Variants in TTN observed in about 807,000 individuals in gnomAD.
The protein encoded by TTN is titin.
Under a neutral mutation model 3,223.0 loss-of-function variants are expected in TTN, and 1,525 were observed. The ratio of observed to expected loss-of-function variants is 0.47; its 90% CI spans 0.45 to 0.49. The LOEUF (loss-of-function observed/expected upper bound fraction) is 0.49, where lower values mean the gene tolerates loss of function less well. TTN is among the 20% of genes least tolerant of loss of function. The pLI, the probability that TTN is intolerant of heterozygous loss-of-function variation, is 0.00. For synonymous variants in TTN, 14,094 were observed against 15,161.0 expected (o/e 0.93, Z 5.17); for missense variants, 40,786 against 43,424.0 (o/e 0.94, Z 5.40).
intron 361 of TTN, 49 bp downstream of exon 361, chr2:178,528,225 G>T (rs767096966): frequency 9.7e-6 from 15 of 1,552,110 alleles, no homozygotes; most frequent in East Asian, 6.8e-5. Context: ...GCAAAAAAAC[G>T]ATCTAAAGGC....
rs370087858 is a variant in TTN at position 178,563,661 on chromosome 2, C to A, written c.82471G>T (p.Ala27491Ser). The part of the protein sequence containing the change: ...ITKDSMVVTW[A>S]RPVDDGGTEI... ...GTACCTCCGTCGTCTACTGGGCGTG[C>A]CCATGTTACTACCATAGAATCTTTG... Residue 27491 changes from alanine to serine, a missense_variant, in exon 326 of 363, where the codon GCA becomes TCA. By Grantham distance (99) the Ala-to-Ser change is moderately conservative (BLOSUM62 1). Transcript: ENST00000589042. The surrounding 1 kb of genome is among the most constrained non-coding windows in gnomAD (Gnocchi z 4.5). 2.6e-5 allele frequency: 42 copies of A among 1,613,738 alleles called. No homozygotes were observed. The highest frequency in any genetic ancestry group is 3.5e-5 in the Non-Finnish European group (41 of 1,179,770).
rs2056309003 is a variant in TTN, at chr2:178,611,442, T to C, written c.50787A>G (p.Arg16929=). The change falls in exon 269 of 363, where the codon AGA becomes AGG. Residue 16929 remains arginine (R), a synonymous_variant. Transcript: ENST00000589042. ...VPDKEYVLRV[R]AVNAIGVSEP... is the part of the protein sequence containing the mutation. Reference sequence around the variant, plus strand: ...CGCTGACACCAATAGCATTGACTGCTCTCACTCTCAGGACATATTCTTTGT... The same window carrying C: ...CGCTGACACCAATAGCATTGACTGCCCTCACTCTCAGGACATATTCTTTGT... 1.2e-6 allele frequency: 2 copies of C among 1,612,826 alleles called. No individual in the cohort carries two copies. The highest frequency in any genetic ancestry group is 1.7e-5 in the Admixed American group (1 of 59,936).
Position 178,539,883 on chromosome 2 carries a change from T to C in TTN, c.98182A>G (p.Ile32728Val). 1 of 1,613,794 alleles carries C rather than the reference T, an allele frequency of 6.2e-7. No homozygotes were observed. Among genetic ancestry groups the C allele is most frequent in the Non-Finnish European group, 8.5e-7 (1 of 1,179,752 alleles). The change falls in exon 352 of 363, where the codon ATC becomes GTC. Residue 32728 changes from isoleucine to valine, a missense_variant. Physicochemically the swap from Ile to Val is conservative, Grantham distance 29 (BLOSUM62 3). Coordinates refer to ENST00000589042, the MANE Select transcript of TTN (RefSeq NM_001267550.2). ...QGGVIRLTIP[I>V]KGKPFPICKW... The stretch of plus-strand genomic sequence containing the variant: ...CATATTGGGAATGGTTTTCCTTTGA[T>C]TGGTATGGTAAGTCTGATGACGCCA...
intron 149 of TTN, among the ~76,000 whole-genome samples, chr2:178,675,439 T>C (rs1195963559): frequency 6.6e-6 from 1 of 151,728 alleles, no homozygotes; most frequent in Non-Finnish European, 1.5e-5. Context: ...TTTGGCTCTT[T>C]AAAGATATAT....
rs199848546 is a variant in TTN, at chr2:178,702,443, A to C, written c.30433+11T>G. On this transcript the variant is annotated intron_variant, in intron 107 of 362. Transcript: ENST00000589042. Reference sequence around the variant, plus strand: ...ATTATACATTCACTGGAAAACTGTCAATGAAATCACCTTCATCGTCTGGGG... The same window carrying C: ...ATTATACATTCACTGGAAAACTGTCCATGAAATCACCTTCATCGTCTGGGG... The C allele has an allele frequency of 4.3e-4, 694 of 1,613,668 alleles. 2 individuals are homozygous for C. Among genetic ancestry groups the C allele is most frequent in the Middle Eastern group, 6.8e-4 (4 of 5,916 alleles).
In TTN at chr2:178,547,574, G is replaced by A. The variant is rs794729536; in HGVS notation, c.94052C>T (p.Ser31351Leu). The change falls in exon 339 of 363, where the codon TCG becomes TTG. Residue 31351 changes from serine to leucine, a missense_variant. Coordinates refer to ENST00000589042, the MANE Select transcript of TTN (RefSeq NM_001267550.2). ...GACAAGCTGCCAAGCTGTTGTACCC[G>A]ATTCACGCTTTTCAACTATGTAATT... ...ITNYIVEKRE[S>L]GTTAWQLVNS... The A allele has an allele frequency of 1.2e-5, 20 of 1,613,798 alleles. No homozygotes were observed. The highest frequency in any genetic ancestry group is 1.6e-5 in the Non-Finnish European group (19 of 1,179,828).
At position 178,546,452 on chromosome 2, in the gene TTN, T is replaced by G; in HGVS notation, c.94879A>C (p.Ile31627Leu). 6.2e-7 allele frequency: 1 copy of G among 1,613,704 alleles called. No homozygotes were observed. The highest frequency in any genetic ancestry group is 8.5e-7 in the Non-Finnish European group (1 of 1,179,722). The change falls in exon 342 of 363, where the codon ATC (isoleucine) becomes CTC (leucine). Residue 31627 changes from isoleucine to leucine, a missense_variant. Transcript: ENST00000589042. ...AGAACAAGATCAGAACCTGCTCTGA[T>G]GGTAACCAGATCACCGTGTAATCGG... ...DARLHGDLVTIRAGSDLVLDA... is the reference protein window; with the variant it reads ...DARLHGDLVTLRAGSDLVLDA...
In TTN at chr2:178,607,124, A is replaced by AGGGAT; in HGVS notation, c.53477_53478insATCCC (p.Leu17827SerfsTer27). The AGGGAT allele has an allele frequency of 6.2e-7, 1 of 1,612,822 alleles. No homozygotes were observed. Among genetic ancestry groups the AGGGAT allele is most frequent in the Admixed American group, 1.7e-5 (1 of 59,956 alleles). ...ACTTATATTCTTGTCCCTCAAGCAG[A>AGGGAT]CCTGTGATGTCACATTTAGATCTCT... On this transcript the variant is annotated frameshift_variant, in exon 278 of 363. Transcript: ENST00000589042. LOFTEE classifies it high-confidence loss of function.
chr2:178,737,953 C>T, intron 49 of TTN, 129 bp downstream of exon 49: 1 of 1,175,084 alleles, frequency 8.5e-7, no homozygotes, highest in Non-Finnish European at 1.2e-6. Flanking sequence ...TACCTACCTA[C>T]CATGTTACTG....
At chr2:178,768,521 T>C in intron 38 of TTN, 152 bp downstream of exon 38, 1 of 1,148,034 alleles carries the variant, frequency 8.7e-7, no homozygotes, top group East Asian at 2.5e-5. Context: ...ATCCATGTTG[T>C]AGCATATCGT....
Position 178,560,940 on chromosome 2 carries a change from T to C in TTN, c.85192A>G (p.Ile28398Val), listed in dbSNP as rs878970622. The change falls in exon 326 of 363, where the codon ATT becomes GTT. Residue 28398 changes from isoleucine to valine, a missense_variant. Ile to Val is a conservative substitution (Grantham distance 29). Coordinates refer to ENST00000589042, the MANE Select transcript of TTN (RefSeq NM_001267550.2). Reference protein sequence around the residue: ...VISWAKDGIEIEERARTEIIS... With the variant: ...VISWAKDGIEVEERARTEIIS... ...ATTTCTGTTCTTGCTCTTTCTTCAA[T>C]TTCTATACCATCCTTGGCCCAGGAA... 6.2e-7 allele frequency: 1 copy of C among 1,613,842 alleles called. No individual in the cohort carries two copies. Among genetic ancestry groups the C allele is most frequent in the Non-Finnish European group, 8.5e-7 (1 of 1,179,818 alleles).
Position 178,587,718 on chromosome 2 carries a change from T to A in TTN, c.63591A>T (p.Ile21197=). ...CTTTAGGGGCTGGTCGTCCTCTCAC[T>A]ATAGCAAAGAGACGAATAGGGCATC... The part of the protein sequence containing the change: ...RAGCPIRLFA[I]VRGRPAPKVT... Residue 21197 remains isoleucine (I), a synonymous_variant, in exon 306 of 363, where the codon ATA becomes ATT. Transcript: ENST00000589042. 6.2e-7 allele frequency: 1 copy of A among 1,612,906 alleles called. No homozygotes were observed. Among genetic ancestry groups the A allele is most frequent in the Non-Finnish European group, 8.5e-7 (1 of 1,179,372 alleles).
At chr2:178,682,624 G>T in intron 135 of TTN, 73 bp downstream of exon 135, 1 of 1,367,024 alleles carries the variant, frequency 7.3e-7, no homozygotes, top group South Asian at 1.7e-5. Context: ...ATCTTGTTAT[G>T]ATTTATCTTG....
At chr2:178,698,711 A>G (rs2074176169) in intron 112 of TTN, 132 bp downstream of exon 112, 1 of 822,308 alleles carries the variant, frequency 1.2e-6, no homozygotes, top group Admixed American at 3.1e-5. Context: ...GACGAGGGCG[A>G]AAGTGAGTGA....
chr2:178,584,130 GAT>G, intron 311 of TTN, 144 bp downstream of exon 311: 1 of 1,082,140 alleles, frequency 9.2e-7, no homozygotes, highest in Non-Finnish European at 1.3e-6. Flanking sequence ...CATTGTAAGA[GAT>G]AGAACATATT....
rs2050027400 is a variant in TTN at position 178,590,725 on chromosome 2, C to T, written c.61000G>A (p.Gly20334Arg). The change falls in exon 304 of 363, where the codon GGA becomes AGA. Residue 20334 changes from glycine to arginine, a missense_variant. Coordinates refer to ENST00000589042, the MANE Select transcript of TTN (RefSeq NM_001267550.2). ...PIADLKFRVT[G>R]LYEGNTYEFR... ...TCATATGTATTTCCTTCATAGAGTCCAGTCACTCTGAACTTCAGGTCAGCG... is the reference window on the plus strand; with the variant it reads ...TCATATGTATTTCCTTCATAGAGTCTAGTCACTCTGAACTTCAGGTCAGCG... The T allele has an allele frequency of 2.5e-6, 4 of 1,612,542 alleles. No individual in the cohort carries two copies. Among genetic ancestry groups the T allele is most frequent in the South Asian group, 1.1e-5 (1 of 90,886 alleles).
In TTN at chr2:178,557,324, TA is replaced by T; in HGVS notation, c.87937del (p.Tyr29313MetfsTer88). On this transcript the variant is annotated frameshift_variant, in exon 329 of 363. Transcript: ENST00000589042. LOFTEE classifies it high-confidence loss of function. ...SAGLIYEFRVYAENAAGVGKP... is the reference protein window; with the variant it reads ...SAGLIYEFRVXAENAAGVGKP... ...TCCAACTCCAGCAGCATTTTCTGCA[TA>T]CACCCTGAATTCATAAATAAGTCCA... 6.2e-7 allele frequency: 1 copy of T among 1,613,964 alleles called. No individual in the cohort carries two copies. Among genetic ancestry groups the T allele is most frequent in the Non-Finnish European group, 8.5e-7 (1 of 1,179,864 alleles).
rs778785011 is a variant in TTN at position 178,562,861 on chromosome 2, A to G, written c.83271T>C (p.Ala27757=). Reference sequence around the variant, plus strand: ...AGTCAAGAACTCTGACGTTAACAAAAGCTGTTTTGGAGCCACTATTATTTT... The same window carrying G: ...AGTCAAGAACTCTGACGTTAACAAAGGCTGTTTTGGAGCCACTATTATTTT... ...TLENNSGSKT[A]FVNVRVLDSP... Residue 27757 remains alanine (A), a synonymous_variant, in exon 326 of 363, where the codon GCT becomes GCC. Transcript: ENST00000589042. 1 of 1,613,050 alleles carries G rather than the reference A, an allele frequency of 6.2e-7. No homozygotes were observed. The highest frequency in any genetic ancestry group is 2.2e-5 in the East Asian group (1 of 44,682).
rs770941336 is a variant in TTN, at chr2:178,747,136, TG to T, written c.11312-5216del. 1.5e-5 allele frequency: 24 copies of T among 1,605,996 alleles called. No homozygotes were observed. In the South Asian group the frequency reaches 2.2e-4, roughly 15 times the overall value. ...TGGAGTATCTCTCCAGAGTCTCTCC[TG>T]GGGGTGTGGAATATCTCTCTAGAGT... On this transcript the variant is annotated intron_variant, in intron 47 of 362. Coordinates refer to ENST00000589042, the MANE Select transcript of TTN (RefSeq NM_001267550.2).
Sources: gnomAD v4.1 joint callset for allele counts (sites outside exome capture counted in the v4.1 genomes callset) on GRCh38, gnomAD v4.1.1 for gene constraint, Gnocchi (gnomAD v3.1) non-coding constraint, MANE v1.5 for transcripts, NCBI Gene and HGNC (gene_info 2026-07-23, HGNC 2026-07-21) for gene names.